WDR70: variants seen among roughly 807,000 people sequenced by gnomAD.
WDR70 encodes WD repeat-containing protein 70.
WDR70 carries 53 observed loss-of-function variants against 88.6 expected under a neutral mutation model. The observed-to-expected ratio is 0.60, with a 90% CI of 0.48 to 0.75. The LOEUF (loss-of-function observed/expected upper bound fraction) is 0.75, where lower values mean the gene tolerates loss of function less well. Among genes scored for constraint, WDR70 ranks in the 30% least tolerant of loss-of-function variants. The pLI is 0.00. For synonymous variants in WDR70, 280 were observed against 270.0 expected, an observed-to-expected ratio of 1.04 and a Z score of -0.36; for missense variants, 610 against 823.2, an observed-to-expected ratio of 0.74 and a Z score of 3.17.
chr5:37,406,204 T>C (rs528485847), intron 5 of WDR70, among the ~76,000 whole-genome samples: 7 of 152,294 alleles, frequency 4.6e-5, no homozygotes, highest in African/African-American at 1.7e-4. Context: ...GTTGCCATCA[T>C]TCCTCTCTTT....
intron 8 of WDR70, among the ~76,000 whole-genome samples, chr5:37,509,670 G>A (rs912391617): frequency 6.6e-6 from 1 of 152,018 alleles, no homozygotes; most frequent in Non-Finnish European, 1.5e-5. Context: ...CTGCTCTCTA[G>A]TCAAAGCCAC....
intron 17 of WDR70, among the ~76,000 whole-genome samples, chr5:37,737,242 T>C (rs2112724122): frequency 6.6e-6 from 1 of 152,250 alleles, no homozygotes; most frequent in African/African-American, 2.4e-5. Flanking sequence ...GTTATTATTG[T>C]CCCCATTTTA....
intron 10 of WDR70, among the ~76,000 whole-genome samples, chr5:37,610,510 C>G (rs1299580990): frequency 6.6e-6 from 1 of 151,954 alleles, no homozygotes; most frequent in African/African-American, 2.4e-5. Flanking sequence ...TGTCCCATCT[C>G]TATCCCTTGA....
chr5:37,509,277 C>T (rs1312115137), intron 8 of WDR70, among the ~76,000 whole-genome samples: 1 of 151,866 alleles, frequency 6.6e-6, no homozygotes, highest in Non-Finnish European at 1.5e-5. Context: ...TAACTGTGTC[C>T]CACAACTTTC....
intron 17 of WDR70, among the ~76,000 whole-genome samples, chr5:37,737,525 G>A (rs757238446): frequency 5.3e-5 from 8 of 152,174 alleles, no homozygotes; most frequent in East Asian, 1.9e-4. Flanking sequence ...CTTCAGCTCC[G>A]CCACCCCCTG....
chr5:37,455,682 C>T (rs2112091092), intron 7 of WDR70, among the ~76,000 whole-genome samples: 1 of 78,284 alleles, frequency 1.3e-5, no homozygotes, highest in East Asian at 5.3e-4. Context: ...ACTTCTTAAG[C>T]CAATTCACTT....
At chr5:37,408,914 C>T (rs1749437469) in intron 5 of WDR70, among the ~76,000 whole-genome samples, 2 of 152,026 alleles carry the variant, frequency 1.3e-5, no homozygotes, top group Admixed American at 1.3e-4. Flanking sequence ...AAGATTTGGT[C>T]AGAGTATTAA....
At chr5:37,519,900 A>G (rs1319671276) in intron 9 of WDR70, among the ~76,000 whole-genome samples, 1 of 152,198 alleles carries the variant, frequency 6.6e-6, no homozygotes, top group African/African-American at 2.4e-5. Context: ...CCAACAGCAT[A>G]TGAGGGTCCC....
intron 7 of WDR70, among the ~76,000 whole-genome samples, chr5:37,447,737 T>C (rs538479355): frequency 1.3e-5 from 2 of 152,104 alleles, no homozygotes; most frequent in South Asian, 2.1e-4. Context: ...AATTGAACAA[T>C]GAGAACACAT....
intron 10 of WDR70, among the ~76,000 whole-genome samples, chr5:37,643,086 C>A (rs924456681): frequency 6.6e-6 from 1 of 151,888 alleles, no homozygotes; most frequent in Non-Finnish European, 1.5e-5. Context: ...GGAGAGTTTC[C>A]CTAGTGTTTT....
intron 17 of WDR70, among the ~76,000 whole-genome samples, chr5:37,751,458 A>C (rs1463735101): frequency 2.0e-5 from 3 of 152,002 alleles, no homozygotes; most frequent in Non-Finnish European, 4.4e-5. Flanking sequence ...CTAGTACATG[A>C]CTCATGTCAG....
At chr5:37,696,972 G>C (rs1747002430) in intron 10 of WDR70, among the ~76,000 whole-genome samples, 1 of 152,152 alleles carries the variant, frequency 6.6e-6, no homozygotes, top group Admixed American at 6.6e-5. Flanking sequence ...CAAACCCCCA[G>C]CTCTACTACT....
At chr5:37,557,957 A>ACTCTTTTGAAAACTCTTCAAAAGAGGAC in intron 9 of WDR70, among the ~76,000 whole-genome samples, 1 of 139,252 alleles carries the variant, frequency 7.2e-6, no homozygotes. Flanking sequence ...TCAAAAGAGT[A>ACTCTTTTGAAAACTCTTCAAAAGAGGAC]TTATGTATAT....
chr5:37,521,320 T>C (rs1256365680), intron 9 of WDR70, among the ~76,000 whole-genome samples: 1 of 152,032 alleles, frequency 6.6e-6, no homozygotes, highest in Non-Finnish European at 1.5e-5. Context: ...CATTTAAAAG[T>C]TTTTAAAAAT....
At chr5:37,495,310 C>T (rs1349923895) in intron 8 of WDR70, among the ~76,000 whole-genome samples, 1 of 152,072 alleles carries the variant, frequency 6.6e-6, no homozygotes, top group Non-Finnish European at 1.5e-5. Flanking sequence ...GCTTTGTTAG[C>T]TCAACATGCC....
intron 5 of WDR70, among the ~76,000 whole-genome samples, chr5:37,435,061 A>G (rs1181598415): frequency 1.3e-5 from 2 of 152,206 alleles, no homozygotes; most frequent in Non-Finnish European, 2.9e-5. Context: ...GCCATGCATG[A>G]CTTCCAGTAA....
chr5:37,581,856 A>C (rs1743225324), intron 9 of WDR70, among the ~76,000 whole-genome samples: 1 of 152,186 alleles, frequency 6.6e-6, no homozygotes, highest in Non-Finnish European at 1.5e-5. Flanking sequence ...AGTGTTTTAC[A>C]TGGAGACAGC....
intron 7 of WDR70, among the ~76,000 whole-genome samples, chr5:37,467,226 C>CA (rs202082473): frequency 0.84 from 113,575 of 135,222 alleles, 50,442 homozygotes; most frequent in East Asian, 0.98. Flanking sequence ...GACTCTGTCT[C>CA]AAAAAAAAAA....
intron 10 of WDR70, among the ~76,000 whole-genome samples, chr5:37,641,411 C>T (rs1231211616): frequency 1.2e-5 from 1 of 80,356 alleles, no homozygotes; most frequent in Non-Finnish European, 2.2e-5. Context: ...TGTCCACATC[C>T]TTTTTTTTTT....
Sources: gnomAD v4.1 joint callset for allele counts (sites outside exome capture counted in the v4.1 genomes callset) on GRCh38, gnomAD v4.1.1 for gene constraint, MANE v1.5 for transcripts, NCBI Gene and HGNC (gene_info 2026-07-23, HGNC 2026-07-21) for gene names.